LIMS1: variants seen among roughly 807,000 people sequenced by gnomAD.
The protein encoded by LIMS1 is LIM and senescent cell antigen-like-containing domain protein 1.
A neutral mutation model predicts 44.1 loss-of-function variants in LIMS1; 18 were observed. That is an observed-to-expected ratio of 0.41 (90% confidence interval 0.28 to 0.61). The LOEUF is 0.61. LIMS1 is among the 20% of genes least tolerant of loss of function. The pLI, the probability that LIMS1 is intolerant of heterozygous loss-of-function variation, is 0.32. For missense variants in LIMS1, 201 were observed against 422.0 expected, an observed-to-expected ratio of 0.48 and a Z score of 4.59; for synonymous variants, 93 against 149.1, an observed-to-expected ratio of 0.62 and a Z score of 2.74.
At chr2:108,590,509 T>C (rs924018361) in intron 1 of LIMS1, among the ~76,000 whole-genome samples, 6 of 152,152 alleles carry the variant, frequency 3.9e-5, no homozygotes, top group African/African-American at 1.4e-4. Flanking sequence ...GTTTAAAAAA[T>C]ATACAAAAAT....
intron 2 of LIMS1, among the ~76,000 whole-genome samples, chr2:108,668,093 C>G (rs1691911267): frequency 6.6e-6 from 1 of 152,036 alleles, no homozygotes; most frequent in African/African-American, 2.4e-5. Context: ...AATAATTACA[C>G]ACATGGGGCA....
intron 2 of LIMS1, among the ~76,000 whole-genome samples, chr2:108,664,639 A>G (rs953577017): frequency 7.2e-5 from 11 of 152,226 alleles, no homozygotes; most frequent in African/African-American, 2.4e-4. Flanking sequence ...AAAAAATTTT[A>G]TATCATAGAG....
At chr2:108,599,705 G>T (rs2438272) in intron 1 of LIMS1, among the ~76,000 whole-genome samples, 57,933 of 148,202 alleles carry the variant, frequency 0.39, 12,068 homozygotes, top group East Asian at 0.89. Context: ...CCTGTCTTTT[G>T]GTTATAAGCC....
At chr2:108,617,336 C>T (rs1037977191) in intron 1 of LIMS1, among the ~76,000 whole-genome samples, 2 of 152,144 alleles carry the variant, frequency 1.3e-5, no homozygotes, top group Non-Finnish European at 2.9e-5. Context: ...TTATTCTTAT[C>T]ACAAATGGAA....
intron 1 of LIMS1, among the ~76,000 whole-genome samples, chr2:108,627,575 A>T (rs978066192): frequency 1.3e-5 from 2 of 152,148 alleles, no homozygotes; most frequent in Non-Finnish European, 2.9e-5. Context: ...GTTGGTTTTT[A>T]AAAAAGCAAA....
At chr2:108,658,721 G>A (rs1691096340) in intron 1 of LIMS1, among the ~76,000 whole-genome samples, 1 of 152,294 alleles carries the variant, frequency 6.6e-6, no homozygotes, top group Non-Finnish European at 1.5e-5. Flanking sequence ...GCTACCGATG[G>A]GGGAATTTCC....
exon 10 of LIMS1, chr2:108,686,964 G>T (rs902756577): frequency 2.6e-5 from 4 of 152,166 alleles, no homozygotes; most frequent in African/African-American, 9.7e-5. Context: ...TTCTTAGCAA[G>T]TGTAACATAA....
At chr2:108,649,667 T>C (rs1156469022) in intron 1 of LIMS1, among the ~76,000 whole-genome samples, 1 of 152,202 alleles carries the variant, frequency 6.6e-6, no homozygotes, top group Non-Finnish European at 1.5e-5. Flanking sequence ...TTCATGTCCT[T>C]TGCAGGGACA....
intron 1 of LIMS1, among the ~76,000 whole-genome samples, chr2:108,563,662 G>C (rs1405260248): frequency 6.6e-6 from 1 of 152,220 alleles, no homozygotes; most frequent in Non-Finnish European, 1.5e-5. Flanking sequence ...GTCTACTCCT[G>C]ATGAACTTCC....
intron 1 of LIMS1, among the ~76,000 whole-genome samples, chr2:108,649,476 T>TC (rs1690307351): frequency 6.6e-6 from 1 of 152,210 alleles, no homozygotes; most frequent in African/African-American, 2.4e-5. Context: ...CATTACTGGG[T>TC]ATATACCCAA....
intron 1 of LIMS1, among the ~76,000 whole-genome samples, chr2:108,648,680 A>C (rs368525292): frequency 6.6e-6 from 1 of 152,228 alleles, no homozygotes; most frequent in Non-Finnish European, 1.5e-5. Flanking sequence ...ATAACGCCAC[A>C]CATCTACAAC....
chr2:108,670,549 A>G (rs1399592206), intron 2 of LIMS1, among the ~76,000 whole-genome samples: 1 of 152,152 alleles, frequency 6.6e-6, no homozygotes, highest in Non-Finnish European at 1.5e-5. Flanking sequence ...CAGTCCCTGT[A>G]GGTGTACTGT....
At chr2:108,575,743 T>C (rs952488743) in intron 1 of LIMS1, among the ~76,000 whole-genome samples, 1 of 152,226 alleles carries the variant, frequency 6.6e-6, no homozygotes, top group South Asian at 2.1e-4. Context: ...TGATTTGTTA[T>C]AACTATTGCA....
intron 1 of LIMS1, among the ~76,000 whole-genome samples, chr2:108,638,644 G>A (rs1330689148): frequency 1.3e-5 from 2 of 152,118 alleles, no homozygotes; most frequent in Non-Finnish European, 2.9e-5. Flanking sequence ...CTACTCAGGA[G>A]GCTGAGGCAC....
At chr2:108,551,487 GCGCGCA>G (rs1269779116) in intron 1 of LIMS1, among the ~76,000 whole-genome samples, 72 of 99,096 alleles carry the variant, frequency 7.3e-4, no homozygotes, top group African/African-American at 2.6e-3. Context: ...ATATGCGCGC[GCGCGCA>G]CACACACACA....
chr2:108,545,469 G>C (rs1048688179), intron 1 of LIMS1, among the ~76,000 whole-genome samples: 1 of 152,088 alleles, frequency 6.6e-6, no homozygotes. Context: ...TCCTGACCTC[G>C]GTGATCCACC....
chr2:108,659,878 G>T (rs1308170748), intron 2 of LIMS1, 114 bp downstream of exon 2: 2 of 1,552,190 alleles, frequency 1.3e-6, no homozygotes, highest in Admixed American at 3.6e-5. Flanking sequence ...AGACTGAAGT[G>T]CCACATGCAT....
chr2:108,552,743 A>T (rs1358774007), intron 1 of LIMS1, among the ~76,000 whole-genome samples: 1 of 151,690 alleles, frequency 6.6e-6, no homozygotes, highest in East Asian at 1.9e-4. Context: ...TGACAAGCTA[A>T]TTTTTACATT....
intron 1 of LIMS1, among the ~76,000 whole-genome samples, chr2:108,600,891 T>TTCTTTTCTTCTCTTC (rs367582147): frequency 0.031 from 2,836 of 90,908 alleles, 37 homozygotes; most frequent in East Asian, 0.11. Context: ...GAATTGTTCG[T>TTCTTTTCTTCTCTTC]TCTTCTCTTC....
Sources: gnomAD v4.1 joint callset for allele counts (sites outside exome capture counted in the v4.1 genomes callset) on GRCh38, gnomAD v4.1.1 for gene constraint, MANE v1.5 for transcripts, NCBI Gene and HGNC (gene_info 2026-07-23, HGNC 2026-07-21) for gene names.